FBXO10: variants seen among roughly 807,000 people sequenced by gnomAD.
FBXO10 encodes F-box protein 10, also known as F-box only protein 10.
FBXO10 carries 39 observed loss-of-function variants against 80.7 expected under a neutral mutation model. That is an observed-to-expected ratio of 0.48 (90% CI 0.37 to 0.63). The LOEUF (loss-of-function observed/expected upper bound fraction) is 0.63. FBXO10 is among the 30% of genes least tolerant of loss of function. The pLI, the probability that FBXO10 is intolerant of heterozygous loss-of-function variation, is 0.00. For synonymous variants in FBXO10, 449 were observed against 489.6 expected (o/e 0.92, Z 1.09); for missense variants, 1,025 against 1,269.0 (o/e 0.81, Z 2.92).
In FBXO10 at chr9:37,516,040, C is replaced by A. The variant is rs771016576; in HGVS notation, c.2560G>T (p.Val854Leu). The change falls in exon 10 of 11, where the codon GTG (valine) becomes TTG (leucine). Residue 854 changes from valine to leucine, a missense_variant. Physicochemically the swap from Val to Leu is conservative, Grantham distance 32. This residue lies in a region of FBXO10 where 478 missense variants were observed against 667.8 expected (regional missense o/e 0.72). Coordinates refer to ENST00000432825, the MANE Select transcript of FBXO10 (RefSeq NM_012166.3). ...IHSFRAYGIA[V>L]RGRAKALVQE... ...ACCAGGGCCTTGGCACGGCCCCGCACGGCGATGCCGTAGGCCCGGAACGAG... is the reference window on the plus strand; with the variant it reads ...ACCAGGGCCTTGGCACGGCCCCGCAAGGCGATGCCGTAGGCCCGGAACGAG... 1 of 1,613,864 alleles carries A rather than the reference C, an allele frequency of 6.2e-7. No homozygotes were observed. Among genetic ancestry groups the A allele is most frequent in the Non-Finnish European group, 8.5e-7 (1 of 1,179,840 alleles).
intron 1 of FBXO10, among the ~76,000 whole-genome samples, chr9:37,561,794 A>G (rs1481339011): frequency 6.6e-6 from 1 of 152,240 alleles, no homozygotes; most frequent in African/African-American, 2.4e-5. Flanking sequence ...TATGAAGAGA[A>G]ATAAAGCAGG....
intron 1 of FBXO10, among the ~76,000 whole-genome samples, chr9:37,551,292 C>T (rs935349364): frequency 1.3e-5 from 2 of 152,212 alleles, no homozygotes; most frequent in African/African-American, 2.4e-5. Flanking sequence ...TGAAGGGTTG[C>T]AGTCAATACC....
chr9:37,553,012 TTGTGTGTGTGTGTGTGTGTGTG>T lies in FBXO10; in HGVS notation c.-6-11260_-6-11239del, dbSNP rs74171513. Among the ~76,000 whole-genome samples, 543 of 144,472 alleles carry T rather than the reference TTGTGTGTGTGTGTGTGTGTGTG, an allele frequency of 3.8e-3. 4 individuals are homozygous for T. The highest frequency in any genetic ancestry group is 0.013 in the African/African-American group (528 of 39,244). 94.8% of individuals were successfully genotyped at this position (144,472 alleles called of 152,430 possible). A position where few individuals can be genotyped will look rare whatever the true frequency, so the allele number is the denominator to read the frequency against. ...AGACCACAGCAGTGACCAATTCAGGTTGTGTGTGTGTGTGTGTGTGTGTGTGTGTGTGTGTGTGTATTTTTTT... is the reference window on the plus strand; with the variant it reads ...AGACCACAGCAGTGACCAATTCAGGTTGTGTGTGTGTGTGTGTATTTTTTT... On this transcript the variant is annotated intron_variant, in intron 1 of 10. Transcript: ENST00000432825.
intron 1 of FBXO10, among the ~76,000 whole-genome samples, chr9:37,563,589 T>C (rs1270262514): frequency 6.6e-6 from 1 of 152,132 alleles, no homozygotes; most frequent in Non-Finnish European, 1.5e-5. Flanking sequence ...CAGGCTGAGG[T>C]GGTCTCAGAT....
intron 4 of FBXO10, among the ~76,000 whole-genome samples, chr9:37,529,567 T>C (rs1821564142): frequency 6.6e-6 from 1 of 152,024 alleles, no homozygotes; most frequent in Admixed American, 6.6e-5. Flanking sequence ...CTCTAATGAG[T>C]CCCCTAAACA....
Position 37,537,505 on chromosome 9 carries a change from T to C in FBXO10, c.1024A>G (p.Ser342Gly). The C allele has an allele frequency of 6.2e-7, 1 of 1,611,782 alleles. No homozygotes were observed. Among genetic ancestry groups the C allele is most frequent in the South Asian group, 1.1e-5 (1 of 90,522 alleles). ...GTCTGGGCCACCCTTTCACCATCAC[T>C]ACCCACCTCTGCCTCCTGTGAGCCA... The part of the protein sequence containing the change: ...KAGSQEAEVG[S>G]DGERVAQTPD... The change falls in exon 3 of 11, where the codon AGT becomes GGT. Residue 342 changes from serine (S) to glycine (G), a missense_variant. By Grantham distance (56) the Ser-to-Gly change is moderately conservative (BLOSUM62 0). Coordinates refer to ENST00000432825, the MANE Select transcript of FBXO10 (RefSeq NM_012166.3).
At position 37,516,027 on chromosome 9, in the gene FBXO10, G is replaced by A. The variant is rs1175214962; in HGVS notation, c.2573C>T (p.Ala858Val). Residue 858 changes from alanine (A) to valine (V), a missense_variant, in exon 10 of 11, where the codon GCC becomes GTC. Coordinates refer to ENST00000432825, the MANE Select transcript of FBXO10 (RefSeq NM_012166.3). ...GATGTTTTCCTGCACCAGGGCCTTG[G>A]CACGGCCCCGCACGGCGATGCCGTA... ...RAYGIAVRGR[A>V]KALVQENIIF... 2.5e-6 allele frequency: 4 copies of A among 1,613,862 alleles called. No homozygotes were observed. The African/African-American group carries it at 5.3e-5, about 22-fold the overall frequency.
intron 1 of FBXO10, among the ~76,000 whole-genome samples, chr9:37,553,916 C>CAAAAAAAAAA (rs71494669): frequency 1.7e-4 from 11 of 64,292 alleles, no homozygotes; most frequent in Non-Finnish European, 2.2e-4. Context: ...AAGTCTGCCT[C>CAAAAAAAAAA]AAAAAAAAAA....
At chr9:37,540,823 T>C (rs890182798) in intron 2 of FBXO10, among the ~76,000 whole-genome samples, 1 of 152,192 alleles carries the variant, frequency 6.6e-6, no homozygotes, top group African/African-American at 2.4e-5. Flanking sequence ...CATGCCTCCA[T>C]GAGCAGCTAA....
intron 2 of FBXO10, among the ~76,000 whole-genome samples, chr9:37,539,699 A>T (rs539048747): frequency 6.6e-6 from 1 of 152,386 alleles, no homozygotes; most frequent in Non-Finnish European, 1.5e-5. Context: ...CTAGGGCTAA[A>T]ACACAAGCTT....
chr9:37,542,163 C>T (rs75486333), intron 1 of FBXO10, among the ~76,000 whole-genome samples: 12,427 of 152,134 alleles, frequency 0.082, 1,414 homozygotes, highest in African/African-American at 0.26. Context: ...CCTGCCATCT[C>T]CTGAGCCCAA....
Position 37,522,927 on chromosome 9 carries a change from C to T in FBXO10, c.1828G>A (p.Gly610Arg). 1 of 1,588,338 alleles carries T rather than the reference C, an allele frequency of 6.3e-7. No individual in the cohort carries two copies. Among genetic ancestry groups the T allele is most frequent in the Non-Finnish European group, 8.6e-7 (1 of 1,167,624 alleles). The change falls in exon 7 of 11, where the codon GGG becomes AGG. Residue 610 changes from glycine (G) to arginine (R), a missense_variant. By Grantham distance (125) the Gly-to-Arg change is moderately radical. Around this residue, in one of 3 missense-constraint regions of FBXO10, gnomAD observed 478 missense variants for 667.8 expected, o/e 0.72. Transcript: ENST00000432825. Reference sequence around the variant, plus strand: ...AGGTTACTCCTGAGAACGGGGATCCCTCCACGGCGGATGTCCACACCTCCC... The same window carrying T: ...AGGTTACTCCTGAGAACGGGGATCCTTCCACGGCGGATGTCCACACCTCCC... ...QWGGVDIRRG[G>R]IPVLRSNLIC...
chr9:37,537,478 G>A lies in FBXO10; in HGVS notation c.1051C>T (p.Pro351Ser), dbSNP rs1459510029. 1.2e-6 allele frequency: 2 copies of A among 1,608,720 alleles called. No homozygotes were observed. Among genetic ancestry groups the A allele is most frequent in the South Asian group, 2.2e-5 (2 of 89,950 alleles). Residue 351 changes from proline to serine, a missense_variant, in exon 3 of 11, where the codon CCG becomes TCG. Physicochemically the swap from Pro to Ser is moderately conservative, Grantham distance 74. Coordinates refer to ENST00000432825, the MANE Select transcript of FBXO10 (RefSeq NM_012166.3). ...CTCAGGCCTCCATCGCTGCTGTCCG[G>A]GGTCTGGGCCACCCTTTCACCATCA... ...GSDGERVAQT[P>S]DSSDGGLSPS...
At chr9:37,571,647 T>TA (rs1157789455) in intron 1 of FBXO10, among the ~76,000 whole-genome samples, 3 of 149,226 alleles carry the variant, frequency 2.0e-5, no homozygotes, top group African/African-American at 7.5e-5. Context: ...CAAGAATCTC[T>TA]ATTTTATGCC....
chr9:37,517,680 A>C (rs1416718380), intron 9 of FBXO10, among the ~76,000 whole-genome samples: 4 of 151,958 alleles, frequency 2.6e-5, no homozygotes, highest in Admixed American at 2.6e-4. Flanking sequence ...ACTGCAGTGC[A>C]AGGCGGGCAG....
chr9:37,544,991 CAA>C (rs59952580), intron 1 of FBXO10, among the ~76,000 whole-genome samples: 1,058 of 69,448 alleles, frequency 0.015, 6 homozygotes, highest in South Asian at 0.065. Flanking sequence ...GAGACTCTCT[CAA>C]AAAAAAAAAA....
At chr9:37,556,105 G>A (rs1235165169) in intron 1 of FBXO10, among the ~76,000 whole-genome samples, 1 of 152,110 alleles carries the variant, frequency 6.6e-6, no homozygotes, top group Non-Finnish European at 1.5e-5. Flanking sequence ...TTATTGGGTT[G>A]CTTTGGTGCC....
intron 6 of FBXO10, among the ~76,000 whole-genome samples, chr9:37,523,693 G>A (rs1403674200): frequency 1.3e-5 from 2 of 152,176 alleles, no homozygotes; most frequent in South Asian, 2.1e-4. Context: ...AGGCTGAGAC[G>A]GGCGGATCAC....
chr9:37,559,683 G>C (rs779796097), intron 1 of FBXO10, among the ~76,000 whole-genome samples: 16 of 152,232 alleles, frequency 1.1e-4, no homozygotes, highest in Non-Finnish European at 2.2e-4. Context: ...TTGAGTAGAA[G>C]AGATGTGCGT....
Sources: gnomAD v4.1 joint callset for allele counts (sites outside exome capture counted in the v4.1 genomes callset) on GRCh38, gnomAD v4.1.1 for gene constraint, gnomAD v4.1.1 regional missense constraint, MANE v1.5 for transcripts, NCBI Gene and HGNC (gene_info 2026-07-23, HGNC 2026-07-21) for gene names.